The following CD200R1 variants were observed in gnomAD, a reference collection of about 807,000 sequenced individuals.
The protein encoded by CD200R1 is CD200 receptor 1.
A neutral mutation model predicts 38.1 loss-of-function variants in CD200R1; 30 were observed. That is an observed-to-expected ratio of 0.79 (90% CI 0.59 to 1.07). CD200R1 has a LOEUF of 1.07. Among genes scored for constraint, CD200R1 ranks in the 50% least tolerant of loss-of-function variants. The pLI, the probability that CD200R1 is intolerant of heterozygous loss-of-function variation, is 0.00. For synonymous variants in CD200R1, 128 were observed against 152.1 expected (o/e 0.84, Z 1.16); for missense variants, 372 against 415.4 (o/e 0.90, Z 0.91).
rs542716059 is a variant in CD200R1 at position 112,942,422 on chromosome 3, T to G, written c.136+5434A>C. Among the ~76,000 whole-genome samples, 22 of 151,756 alleles carry G rather than the reference T, an allele frequency of 1.4e-4. 1 individual carries two copies. The highest frequency in any genetic ancestry group is 9.2e-4 in the Admixed American group (14 of 15,238). On this transcript the variant is annotated intron_variant, in intron 2 of 7. Transcript: ENST00000308611. ...ATTTGGATTCATTATAAATGTATATTGCAAGCTCAAGTGATGACTAAAAAA... is the reference window on the plus strand; with the variant it reads ...ATTTGGATTCATTATAAATGTATATGGCAAGCTCAAGTGATGACTAAAAAA...
At chr3:112,944,611 A>T (rs992181438) in intron 2 of CD200R1, among the ~76,000 whole-genome samples, 1 of 152,078 alleles carries the variant, frequency 6.6e-6, no homozygotes, top group Non-Finnish European at 1.5e-5. Flanking sequence ...TGCTTTTCTA[A>T]CTAATTCACC....
intron 1 of CD200R1, among the ~76,000 whole-genome samples, chr3:112,955,589 A>G (rs1294938083): frequency 3.3e-5 from 5 of 149,944 alleles, no homozygotes; most frequent in African/African-American, 1.2e-4. Context: ...GCTCACTGCA[A>G]CCTCCACCTC....
At chr3:112,962,372 C>T (rs1933044413) in intron 1 of CD200R1, among the ~76,000 whole-genome samples, 1 of 151,964 alleles carries the variant, frequency 6.6e-6, no homozygotes, top group South Asian at 2.1e-4. Flanking sequence ...ATATGTGTAC[C>T]AGGATACTAA....
chr3:112,937,150 C>T (rs1391905256), intron 2 of CD200R1, among the ~76,000 whole-genome samples: 1 of 152,070 alleles, frequency 6.6e-6, no homozygotes, highest in Admixed American at 6.6e-5. Flanking sequence ...GCAGACATGT[C>T]CTTTTTCACA....
Position 112,923,098 on chromosome 3 carries a change from C to T in CD200R1, c.*579G>A, listed in dbSNP as rs941358288. Reference sequence around the variant, plus strand: ...TGTTTTTAATTAAATAATGATATAACTATACAATGGAATTTTATATAACCA... The same window carrying T: ...TGTTTTTAATTAAATAATGATATAATTATACAATGGAATTTTATATAACCA... On this transcript the variant is annotated 3_prime_UTR_variant, in exon 8 of 8. Transcript: ENST00000308611. 6.6e-6 allele frequency: 1 copy of T among 151,764 alleles called. No homozygotes were observed. Among genetic ancestry groups the T allele is most frequent in the South Asian group, 2.1e-4 (1 of 4,830 alleles). The allele number at this position is 151,764 out of a possible 1,614,324, so 9.4% of individuals were successfully genotyped here. A position where few individuals can be genotyped will look rare whatever the true frequency, so the allele number is the denominator to read the frequency against.
chr3:112,927,783 T>A (rs1559943848), intron 5 of CD200R1, among the ~76,000 whole-genome samples: 1 of 152,174 alleles, frequency 6.6e-6, no homozygotes, highest in African/African-American at 2.4e-5. Context: ...TCTGACCATG[T>A]AGAAAATATT....
At chr3:112,937,298 G>T (rs530337033) in intron 2 of CD200R1, among the ~76,000 whole-genome samples, 2 of 152,206 alleles carry the variant, frequency 1.3e-5, no homozygotes, top group South Asian at 4.2e-4. Flanking sequence ...CCTCCCAGCA[G>T]GTCCCTCCCA....
intron 2 of CD200R1, among the ~76,000 whole-genome samples, chr3:112,946,802 G>A (rs1940873200): frequency 6.6e-6 from 1 of 152,170 alleles, no homozygotes; most frequent in South Asian, 2.1e-4. Flanking sequence ...CCTAAGAGTT[G>A]AAAACTTACA....
At chr3:112,953,833 CT>C (rs376167946) in intron 1 of CD200R1, among the ~76,000 whole-genome samples, 1 of 151,946 alleles carries the variant, frequency 6.6e-6, no homozygotes, top group Non-Finnish European at 1.5e-5. Flanking sequence ...GAGTCTCTCT[CT>C]TTTTTTCTCA....
At chr3:112,967,158 C>T (rs1933188711) in intron 1 of CD200R1, among the ~76,000 whole-genome samples, 1 of 152,140 alleles carries the variant, frequency 6.6e-6, no homozygotes, top group Non-Finnish European at 1.5e-5. Flanking sequence ...TCTCCTTGGG[C>T]ATCGTAATGT....
At chr3:112,934,842 T>A (rs1330866528) in intron 2 of CD200R1, among the ~76,000 whole-genome samples, 1 of 151,700 alleles carries the variant, frequency 6.6e-6, no homozygotes, top group African/African-American at 2.4e-5. Context: ...AAAAACCAAC[T>A]ATATGCCACC....
chr3:112,939,907 C>A (rs1163128022), intron 2 of CD200R1, among the ~76,000 whole-genome samples: 2 of 135,520 alleles, frequency 1.5e-5, no homozygotes, highest in African/African-American at 5.6e-5. Flanking sequence ...ATCACACTAA[C>A]AGACTTCAAA....
Position 112,921,516 on chromosome 3 carries a change from T to A in CD200R1, c.*2161A>T, listed in dbSNP as rs992997784. On this transcript the variant is annotated 3_prime_UTR_variant, in exon 8 of 8. Transcript: ENST00000308611. ...GCAAAGGAAAAGATACAAAATGGGA[T>A]GGGGAGAAAGCACAGTAAATGAGAC... 6.6e-6 allele frequency: 1 copy of A among 151,824 alleles called. No homozygotes were observed. The highest frequency in any genetic ancestry group is 1.5e-5 in the Non-Finnish European group (1 of 67,916). 9.4% of individuals were successfully genotyped at this position (151,824 alleles called of 1,614,324 possible).
chr3:112,937,848 G>A (rs769861100), intron 2 of CD200R1, among the ~76,000 whole-genome samples: 2 of 152,070 alleles, frequency 1.3e-5, no homozygotes, highest in Non-Finnish European at 2.9e-5. Context: ...CCATTTGTTT[G>A]TGTCATCTCT....
At chr3:112,954,254 C>T (rs1263245629) in intron 1 of CD200R1, among the ~76,000 whole-genome samples, 1 of 152,028 alleles carries the variant, frequency 6.6e-6, no homozygotes, top group Admixed American at 6.6e-5. Flanking sequence ...TGATTTCAGG[C>T]TTTATATCCA....
At chr3:112,956,737 T>TG (rs772290704) in intron 1 of CD200R1, among the ~76,000 whole-genome samples, 1 of 152,164 alleles carries the variant, frequency 6.6e-6, no homozygotes, top group African/African-American at 2.4e-5. Flanking sequence ...CTGTGGCCAT[T>TG]GGAGCACTAG....
At chr3:112,926,778 T>G (rs1336054181) in intron 5 of CD200R1, among the ~76,000 whole-genome samples, 2 of 152,108 alleles carry the variant, frequency 1.3e-5, no homozygotes, top group African/African-American at 4.8e-5. Context: ...AATAATTTTT[T>G]TTTTAGTGTA....
intron 1 of CD200R1, among the ~76,000 whole-genome samples, chr3:112,950,758 C>T (rs1940956509): frequency 6.6e-6 from 1 of 152,064 alleles, no homozygotes; most frequent in Non-Finnish European, 1.5e-5. Flanking sequence ...AAATCAATTA[C>T]AATGAGATTT....
chr3:112,924,587 T>C, intron 6 of CD200R1, 52 bp from the exon 7 acceptor site: 1 of 1,035,136 alleles, frequency 9.7e-7, no homozygotes, highest in East Asian at 3.4e-5. Context: ...ATTGTTTAGA[T>C]CGAAAATGGG....
Sources: gnomAD v4.1 joint callset for allele counts (sites outside exome capture counted in the v4.1 genomes callset) on GRCh38, gnomAD v4.1.1 for gene constraint, MANE v1.5 for transcripts, NCBI Gene and HGNC (gene_info 2026-07-23, HGNC 2026-07-21) for gene names.